TSHZ2: variants seen among roughly 807,000 people sequenced by gnomAD.
TSHZ2 encodes the protein teashirt zinc finger homeobox 2.
Under a neutral mutation model 74.4 loss-of-function variants are expected in TSHZ2, and 21 were observed. That is an observed-to-expected ratio of 0.28 (90% CI 0.20 to 0.41). The LOEUF is 0.41. TSHZ2 is among the 10% of genes least tolerant of loss of function. TSHZ2 has a pLI of 1.00. For synonymous variants in TSHZ2, 540 were observed against 515.3 expected, an observed-to-expected ratio of 1.05 and a Z score of -0.65; for missense variants, 1,244 against 1,293.5, an observed-to-expected ratio of 0.96 and a Z score of 0.59.
At position 53,492,104 on chromosome 20, in the gene TSHZ2, C is replaced by G. The variant is rs1490178852; in HGVS notation, c.*4969C>G. 9.3e-5 allele frequency: 14 copies of G among 151,058 alleles called. No homozygotes were observed. Among genetic ancestry groups the G allele is most frequent in the Admixed American group, 9.2e-4 (14 of 15,150 alleles). 9.4% of individuals were successfully genotyped at this position (151,058 alleles called of 1,614,324 possible). ...AAAAAACTAACCACTCCATTCAACT[C>G]TCTCAGAAAATAAATTTCAATGTGT... On this transcript the variant is annotated 3_prime_UTR_variant, in exon 3 of 3. Coordinates refer to ENST00000371497, the MANE Select transcript of TSHZ2 (RefSeq NM_173485.6).
intron 1 of TSHZ2, among the ~76,000 whole-genome samples, chr20:53,008,482 A>G (rs79643957): frequency 0.049 from 7,485 of 152,174 alleles, 200 homozygotes; most frequent in East Asian, 0.086. Context: ...TCTTCCCCTG[A>G]CAGTCAGAAA....
intron 2 of TSHZ2, among the ~76,000 whole-genome samples, chr20:53,312,068 G>A (rs1488213372): frequency 6.6e-6 from 1 of 152,054 alleles, no homozygotes; most frequent in East Asian, 1.9e-4. Flanking sequence ...GTGACAGAGG[G>A]AGATCCTGGC....
chr20:53,338,200 A>G (rs1338771426), intron 2 of TSHZ2, among the ~76,000 whole-genome samples: 1 of 152,204 alleles, frequency 6.6e-6, no homozygotes. Flanking sequence ...GAGCAGAGAG[A>G]ATGTCTTCAT....
chr20:53,443,344 C>A (rs115472597), intron 2 of TSHZ2, among the ~76,000 whole-genome samples: 2 of 152,074 alleles, frequency 1.3e-5, no homozygotes, highest in African/African-American at 4.8e-5. Flanking sequence ...TGGGAAGTAC[C>A]GTTTTAATGT....
At chr20:53,188,000 C>T (rs1988641590) in intron 1 of TSHZ2, among the ~76,000 whole-genome samples, 1 of 152,118 alleles carries the variant, frequency 6.6e-6, no homozygotes, top group African/African-American at 2.4e-5. Flanking sequence ...TGGCACGAAG[C>T]AAGTCTGGAA....
At chr20:53,218,190 G>A (rs1295458966) in intron 1 of TSHZ2, among the ~76,000 whole-genome samples, 1 of 152,238 alleles carries the variant, frequency 6.6e-6, no homozygotes, top group Non-Finnish European at 1.5e-5. Context: ...CCTATAGGCT[G>A]AGGGCCTCTC....
rs529779611 is a variant in TSHZ2 at position 53,138,333 on chromosome 20, G to A, written c.41-115166G>A. On this transcript the variant is annotated intron_variant, in intron 1 of 2. Transcript: ENST00000371497. ...CAGGAGGCTGAGCTTGCAGTGAGCAGAGATCAAGCCGCTGCACTCCAGCCT... is the reference window on the plus strand; with the variant it reads ...CAGGAGGCTGAGCTTGCAGTGAGCAAAGATCAAGCCGCTGCACTCCAGCCT... Among the ~76,000 whole-genome samples the A allele has an allele frequency of 5.6e-4, 85 of 151,446 alleles. 2 individuals are homozygous for A. In the South Asian group the frequency reaches 0.017, roughly 29 times the overall value.
At chr20:53,111,994 A>G (rs915746016) in intron 1 of TSHZ2, among the ~76,000 whole-genome samples, 1 of 152,280 alleles carries the variant, frequency 6.6e-6, no homozygotes, top group South Asian at 2.1e-4. Flanking sequence ...GCACGTGTCT[A>G]ACCCTGACTG....
chr20:53,270,358 G>T (rs6097323), intron 2 of TSHZ2, among the ~76,000 whole-genome samples: 38,516 of 151,906 alleles, frequency 0.25, 8,882 homozygotes, highest in African/African-American at 0.61. Context: ...AAGCTGCTAG[G>T]GCCTTATGTA....
chr20:53,027,485 T>C (rs974322528), intron 1 of TSHZ2, among the ~76,000 whole-genome samples: 6 of 151,984 alleles, frequency 3.9e-5, no homozygotes, highest in African/African-American at 1.5e-4. Context: ...AAGTACCAGA[T>C]AGTGGAGAGG....
At position 52,990,749 on chromosome 20, in the gene TSHZ2, C is replaced by T. The variant is rs1600633485; in HGVS notation, c.40+17416C>T. Among the ~76,000 whole-genome samples, 3 of 152,296 alleles carry T rather than the reference C, an allele frequency of 2.0e-5. No individual in the cohort carries two copies. The South Asian group carries it at 6.2e-4, about 32-fold the overall frequency. On this transcript the variant is annotated intron_variant, in intron 1 of 2. Coordinates refer to ENST00000371497, the MANE Select transcript of TSHZ2 (RefSeq NM_173485.6). ...GCAGTTTAGCAAACATATATTGAAG[C>T]TCACTGGTAGGTCCAGGGGGTAGAA...
chr20:53,135,007 G>GACACAC (rs139347142), intron 1 of TSHZ2, among the ~76,000 whole-genome samples: 47,660 of 148,540 alleles, frequency 0.32, 7,992 homozygotes, highest in Non-Finnish European at 0.38. Flanking sequence ...TGCACATGCA[G>GACACAC]ACACACACAC....
In TSHZ2 at chr20:53,085,460, C is replaced by G. The variant is rs544393508; in HGVS notation, c.40+112127C>G. Among the ~76,000 whole-genome samples the G allele has an allele frequency of 2.0e-5, 3 of 152,158 alleles. No homozygotes were observed. In the East Asian group the frequency reaches 5.8e-4, roughly 29 times the overall value. ...TGTCTTGGAGAATCTGAAATATGAC[C>G]AGGCTGTCAGTGGGGAAACACACCG... On this transcript the variant is annotated intron_variant, in intron 1 of 2. Transcript: ENST00000371497.
intron 1 of TSHZ2, among the ~76,000 whole-genome samples, chr20:52,993,951 G>A (rs1982080851): frequency 6.6e-6 from 1 of 152,198 alleles, no homozygotes; most frequent in Admixed American, 6.5e-5. Context: ...CTGGGCTGAA[G>A]CTGATGCTGC....
intron 1 of TSHZ2, among the ~76,000 whole-genome samples, chr20:53,089,775 C>T (rs1349471366): frequency 6.6e-6 from 1 of 152,158 alleles, no homozygotes; most frequent in East Asian, 1.9e-4. Context: ...AAGAAAAGAA[C>T]CTTTCAGTCA....
At chr20:53,101,461 A>G (rs1986215321) in intron 1 of TSHZ2, among the ~76,000 whole-genome samples, 1 of 152,210 alleles carries the variant, frequency 6.6e-6, no homozygotes, top group South Asian at 2.1e-4. Flanking sequence ...CGTTCTTGGT[A>G]GAAGCCAGGA....
At chr20:53,331,452 G>T (rs1979718019) in intron 2 of TSHZ2, among the ~76,000 whole-genome samples, 1 of 152,110 alleles carries the variant, frequency 6.6e-6, no homozygotes. Flanking sequence ...GGGCCAGGGG[G>T]AACCAAAATC....
chr20:53,357,879 T>G (rs533524250), intron 2 of TSHZ2, among the ~76,000 whole-genome samples: 1 of 152,224 alleles, frequency 6.6e-6, no homozygotes, highest in African/African-American at 2.4e-5. Context: ...ATTCTTAGAG[T>G]GAGCAACTGC....
intron 2 of TSHZ2, among the ~76,000 whole-genome samples, chr20:53,322,189 T>C (rs1489504582): frequency 1.3e-5 from 2 of 152,192 alleles, no homozygotes; most frequent in African/African-American, 2.4e-5. Context: ...TAACATCTAG[T>C]GTTACAAGGC....
Sources: gnomAD v4.1 joint callset for allele counts (sites outside exome capture counted in the v4.1 genomes callset) on GRCh38, gnomAD v4.1.1 for gene constraint, MANE v1.5 for transcripts, NCBI Gene and HGNC (gene_info 2026-07-23, HGNC 2026-07-21) for gene names.